The following CIRSR variants were observed in gnomAD, a reference collection of about 807,000 sequenced individuals.
CIRSR encodes CBF1 (RBPJ) interacting corepressor 1.
At chr2:174,374,362 G>T in the CIRSR span, among the ~76,000 whole-genome samples, 1 of 152,074 alleles carries the variant, frequency 6.6e-6, no homozygotes, top group African/African-American at 2.4e-5. Context: ...ACTGTACTTT[G>T]TTTTCCTGAC....
At chr2:174,387,581 T>C in the CIRSR span, 29 of 1,227,798 alleles carry the variant, frequency 2.4e-5, no homozygotes, top group Middle Eastern at 2.7e-4. Flanking sequence ...AATCCTATAA[T>C]TGGGTATTTG....
At chr2:174,357,327 G>A in the CIRSR span, among the ~76,000 whole-genome samples, 4 of 152,096 alleles carry the variant, frequency 2.6e-5, no homozygotes, top group East Asian at 7.7e-4. Flanking sequence ...ATACTTTGGG[G>A]GAATATATGG....
the CIRSR span, among the ~76,000 whole-genome samples, chr2:174,372,710 G>A: frequency 6.6e-6 from 1 of 152,044 alleles, no homozygotes; most frequent in African/African-American, 2.4e-5. Flanking sequence ...AGCCTCCTGA[G>A]TGGCTGGGAT....
chr2:174,395,167 A>G, the CIRSR span, among the ~76,000 whole-genome samples: 1 of 152,232 alleles, frequency 6.6e-6, no homozygotes. Flanking sequence ...TTAAAGATCT[A>G]TCTTAAGTAA....
the CIRSR span, among the ~76,000 whole-genome samples, chr2:174,372,021 T>A: frequency 6.6e-6 from 1 of 152,220 alleles, no homozygotes; most frequent in East Asian, 1.9e-4. Context: ...TATTTTTCAT[T>A]GCATTCAAAT....
the CIRSR span, among the ~76,000 whole-genome samples, chr2:174,379,715 T>A: frequency 7.5e-6 from 1 of 133,570 alleles, no homozygotes; most frequent in Non-Finnish European, 1.6e-5. Flanking sequence ...TTGATTCCTG[T>A]CTTTTTTTTT....
the CIRSR span, chr2:174,358,127 T>C: frequency 6.6e-6 from 1 of 152,342 alleles, no homozygotes; most frequent in African/African-American, 2.4e-5. Context: ...AGTCTATGTG[T>C]CTGGAAAGTA....
At chr2:174,351,157 A>G in the CIRSR span, among the ~76,000 whole-genome samples, 2 of 152,230 alleles carry the variant, frequency 1.3e-5, no homozygotes, top group African/African-American at 4.8e-5. Flanking sequence ...TTTAGCTTTT[A>G]TTATAATTTC....
At chr2:174,370,445 A>G in the CIRSR span, among the ~76,000 whole-genome samples, 1 of 152,250 alleles carries the variant, frequency 6.6e-6, no homozygotes, top group Admixed American at 6.5e-5. Flanking sequence ...TTGCTTGGGG[A>G]AAAGAATTAC....
the CIRSR span, chr2:174,387,830 CA>C: frequency 6.8e-7 from 1 of 1,471,140 alleles, no homozygotes; most frequent in Non-Finnish European, 9.2e-7. Context: ...TTAAATTAAA[CA>C]AACTTTGCTT....
At chr2:174,353,919 T>G in the CIRSR span, among the ~76,000 whole-genome samples, 1 of 152,080 alleles carries the variant, frequency 6.6e-6, no homozygotes, top group African/African-American at 2.4e-5. Flanking sequence ...ATCGAATGAA[T>G]TCAGACACCA....
At chr2:174,380,104 A>G in the CIRSR span, 1 of 714,178 alleles carries the variant, frequency 1.4e-6, no homozygotes, top group Middle Eastern at 2.5e-4. Context: ...TAAAAACCAT[A>G]GTGCCCCTTT....
At chr2:174,359,831 T>C in the CIRSR span, among the ~76,000 whole-genome samples, 4 of 152,168 alleles carry the variant, frequency 2.6e-5, no homozygotes, top group Admixed American at 6.5e-5. Flanking sequence ...CAATGACAGA[T>C]TGGATTAAGA....
the CIRSR span, among the ~76,000 whole-genome samples, chr2:174,367,493 T>C: frequency 1.7e-3 from 260 of 152,000 alleles, 4 homozygotes; most frequent in African/African-American, 5.9e-3. Context: ...GGCAGGAGAA[T>C]CGTTTGAACC....
the CIRSR span, among the ~76,000 whole-genome samples, chr2:174,349,564 T>TAAAAA: frequency 7.6e-5 from 8 of 105,122 alleles, no homozygotes; most frequent in African/African-American, 2.4e-4. Context: ...GACTCTGTCT[T>TAAAAA]AAAAAAAAAA....
the CIRSR span, among the ~76,000 whole-genome samples, chr2:174,375,927 T>C: frequency 6.6e-6 from 1 of 152,212 alleles, no homozygotes; most frequent in African/African-American, 2.4e-5. Flanking sequence ...GGTGCAAACC[T>C]GGCTCACTGC....
chr2:174,349,489 C>T, the CIRSR span, among the ~76,000 whole-genome samples: 4 of 150,896 alleles, frequency 2.7e-5, no homozygotes, highest in African/African-American at 9.8e-5. Flanking sequence ...CGCTTGAACC[C>T]GGGAGGCGGA....
chr2:174,351,708 A>AG, the CIRSR span: 1 of 1,613,140 alleles, frequency 6.2e-7, no homozygotes, highest in Non-Finnish European at 8.5e-7. Flanking sequence ...ATTAGCTCCG[A>AG]GGGGTGCATC....
At chr2:174,357,968 G>A in the CIRSR span, among the ~76,000 whole-genome samples, 1 of 152,124 alleles carries the variant, frequency 6.6e-6, no homozygotes, top group Non-Finnish European at 1.5e-5. Context: ...CTCCATACTG[G>A]GAATTTTCCT....
Sources: allele counts gnomAD v4.1 joint callset (sites outside exome capture counted in the v4.1 genomes callset), GRCh38; gene constraint gnomAD v4.1.1; transcripts MANE v1.5; gene names NCBI Gene and HGNC (gene_info 2026-07-23, HGNC 2026-07-21).